Variants in HPSE2 observed in about 807,000 individuals in gnomAD.
The protein encoded by HPSE2 is heparanase 2 (inactive).
A neutral mutation model predicts 60.5 loss-of-function variants in HPSE2; 38 were observed. The ratio of observed to expected loss-of-function variants is 0.63; its 90% confidence interval spans 0.48 to 0.82. The LOEUF (loss-of-function observed/expected upper bound fraction) is 0.82, where lower values mean the gene tolerates loss of function less well. HPSE2 is among the 40% of genes least tolerant of loss of function. The pLI is 0.00. For synonymous variants in HPSE2, 295 were observed against 293.2 expected (o/e 1.01, Z -0.06); for missense variants, 713 against 740.4 (o/e 0.96, Z 0.43).
chr10:99,077,603 T>C (rs1247584778), intron 3 of HPSE2, among the ~76,000 whole-genome samples: 2 of 152,102 alleles, frequency 1.3e-5, no homozygotes, highest in Non-Finnish European at 2.9e-5. Flanking sequence ...TATATGTGTG[T>C]GTATCGACTT....
chr10:99,078,113 A>G (rs1255886245), intron 3 of HPSE2, among the ~76,000 whole-genome samples: 1 of 152,336 alleles, frequency 6.6e-6, no homozygotes, highest in African/African-American at 2.4e-5. Context: ...CCAGAAGCAG[A>G]TACTAACACC....
chr10:99,166,479 G>A (rs1443628552), intron 2 of HPSE2, among the ~76,000 whole-genome samples: 1 of 152,054 alleles, frequency 6.6e-6, no homozygotes, highest in Non-Finnish European at 1.5e-5. Flanking sequence ...GGTATTTTCA[G>A]TTTTGTTTGT....
chr10:98,596,097 G>A (rs1479880612), intron 9 of HPSE2, among the ~76,000 whole-genome samples: 1 of 152,042 alleles, frequency 6.6e-6, no homozygotes, highest in African/African-American at 2.4e-5. Context: ...GTTGAATTTG[G>A]TTTGCCAGTA....
chr10:98,792,385 C>T (rs1014501833), intron 3 of HPSE2, among the ~76,000 whole-genome samples: 1 of 152,010 alleles, frequency 6.6e-6, no homozygotes, highest in Non-Finnish European at 1.5e-5. Context: ...AATTTCCTCA[C>T]CCCAAATATA....
chr10:98,779,422 A>G (rs78670590), intron 3 of HPSE2, among the ~76,000 whole-genome samples: 1 of 152,096 alleles, frequency 6.6e-6, no homozygotes, highest in Non-Finnish European at 1.5e-5. Flanking sequence ...AACTCACTCA[A>G]TGTGAGCAGT....
chr10:99,053,074 TACTAA>T (rs1465569993), intron 3 of HPSE2, among the ~76,000 whole-genome samples: 23 of 151,726 alleles, frequency 1.5e-4, no homozygotes, highest in African/African-American at 3.4e-4. Context: ...TACTTAACAC[TACTAA>T]ACTATACACT....
intron 3 of HPSE2, among the ~76,000 whole-genome samples, chr10:99,054,296 A>G (rs1011403264): frequency 6.6e-6 from 1 of 152,184 alleles, no homozygotes; most frequent in African/African-American, 2.4e-5. Flanking sequence ...AAGAAAAGCA[A>G]TGTTAGAGTA....
chr10:99,074,744 C>T (rs555415655), intron 3 of HPSE2, among the ~76,000 whole-genome samples: 2 of 151,964 alleles, frequency 1.3e-5, no homozygotes, highest in African/African-American at 4.8e-5. Context: ...ATTATTGGCC[C>T]GTCCAGATTT....
At chr10:98,923,556 A>T (rs6584226) in intron 3 of HPSE2, among the ~76,000 whole-genome samples, 23,320 of 151,930 alleles carry the variant, frequency 0.15, 2,706 homozygotes, top group African/African-American at 0.32. Flanking sequence ...CTACTTTCTA[A>T]ATCTTGTAGG....
At chr10:98,950,822 C>T (rs758792013) in intron 3 of HPSE2, among the ~76,000 whole-genome samples, 11 of 152,176 alleles carry the variant, frequency 7.2e-5, no homozygotes, top group Non-Finnish European at 1.5e-4. Context: ...CAACATGCTA[C>T]CTTTTCCAAA....
intron 3 of HPSE2, among the ~76,000 whole-genome samples, chr10:99,127,523 C>G (rs1845208904): frequency 6.6e-6 from 1 of 152,102 alleles, no homozygotes; most frequent in South Asian, 2.1e-4. Flanking sequence ...CTAAGAATAA[C>G]TGGTGTTCCT....
intron 11 of HPSE2, among the ~76,000 whole-genome samples, chr10:98,474,311 G>GT (rs1564903575): frequency 6.6e-6 from 1 of 152,176 alleles, no homozygotes; most frequent in Admixed American, 6.5e-5. Flanking sequence ...GTGCTTTCAG[G>GT]TATCATTAGT....
chr10:98,737,849 T>C (rs1327389679), intron 4 of HPSE2, among the ~76,000 whole-genome samples: 1 of 152,154 alleles, frequency 6.6e-6, no homozygotes, highest in Non-Finnish European at 1.5e-5. Flanking sequence ...TGGAAAAACC[T>C]TCCATACTCA....
chr10:98,472,055 AG>A (rs1158452507), intron 11 of HPSE2, among the ~76,000 whole-genome samples: 4 of 152,288 alleles, frequency 2.6e-5, no homozygotes, highest in African/African-American at 9.6e-5. Flanking sequence ...AAGGGCTAAA[AG>A]AATCCAAACT....
chr10:99,272,090 G>T, the HPSE2 span, among the ~76,000 whole-genome samples: 3 of 152,252 alleles, frequency 2.0e-5, no homozygotes, highest in Admixed American at 6.5e-5. Context: ...GGCCAACATG[G>T]TGAAACCCCG....
chr10:99,301,617 A>G, the HPSE2 span, among the ~76,000 whole-genome samples: 1 of 152,192 alleles, frequency 6.6e-6, no homozygotes, highest in Non-Finnish European at 1.5e-5. Context: ...GGACTAACAC[A>G]GCATCCTAAC....
At chr10:99,257,279 A>G in the HPSE2 span, among the ~76,000 whole-genome samples, 25 of 152,316 alleles carry the variant, frequency 1.6e-4, no homozygotes, top group African/African-American at 6.0e-4. Context: ...AGGGAACAAG[A>G]GAGATAACCT....
rs559096138 is a variant in HPSE2, at chr10:98,752,681, T to C, written c.611-8625A>G. 4.6e-5 allele frequency among the ~76,000 whole-genome samples: 7 copies of C among 152,334 alleles called. No homozygotes were observed. In the East Asian group the frequency reaches 1.3e-3, roughly 29 times the overall value. Reference sequence around the variant, plus strand: ...GGACATCAGTATTAATATTCTCATCTTACAGAGCTGTAAGAGCATCAAGAA... The same window carrying C: ...GGACATCAGTATTAATATTCTCATCCTACAGAGCTGTAAGAGCATCAAGAA... On this transcript the variant is annotated intron_variant, in intron 3 of 11. Transcript: ENST00000370552.
intron 3 of HPSE2, among the ~76,000 whole-genome samples, chr10:99,065,914 T>G (rs1478741594): frequency 6.6e-6 from 1 of 151,766 alleles, no homozygotes; most frequent in African/African-American, 2.4e-5. Context: ...CCCTCCCTTC[T>G]TCACCTCTCT....
Sources: gnomAD v4.1 joint callset for allele counts (sites outside exome capture counted in the v4.1 genomes callset) on GRCh38, gnomAD v4.1.1 for gene constraint, MANE v1.5 for transcripts, NCBI Gene and HGNC (gene_info 2026-07-23, HGNC 2026-07-21) for gene names.